PXDN: variants seen among roughly 807,000 people sequenced by gnomAD.
PXDN encodes peroxidasin.
Under a neutral mutation model 140.3 loss-of-function variants are expected in PXDN, and 77 were observed. The ratio of observed to expected loss-of-function variants is 0.55; its 90% CI spans 0.46 to 0.66. The LOEUF is 0.66. PXDN is among the 30% of genes least tolerant of loss of function. PXDN has a pLI of 0.00. For synonymous variants in PXDN, 911 were observed against 857.4 expected (o/e 1.06, Z -1.09); for missense variants, 1,838 against 2,039.5 (o/e 0.90, Z 1.90).
In PXDN at chr2:1,700,677, C is replaced by T. The variant is rs539771941; in HGVS notation, c.201-7543G>A. On this transcript the variant is annotated intron_variant, in intron 1 of 22. Coordinates refer to ENST00000252804, the MANE Select transcript of PXDN (RefSeq NM_012293.3). ...TCACTTGAGGTCAGGAGTTCGAGACCAGCTTGGCCAACATGGTGAAACCCT... is the reference window on the plus strand; with the variant it reads ...TCACTTGAGGTCAGGAGTTCGAGACTAGCTTGGCCAACATGGTGAAACCCT... Among the ~76,000 whole-genome samples the T allele has an allele frequency of 2.0e-5, 3 of 151,938 alleles. No homozygotes were observed. In the South Asian group the frequency reaches 6.3e-4, roughly 32 times the overall value.
Position 1,687,583 on chromosome 2 carries a change from C to G in PXDN, c.416+49G>C, listed in dbSNP as rs771116532. 2.0e-5 allele frequency: 28 copies of G among 1,393,668 alleles called. No individual in the cohort carries two copies. Among genetic ancestry groups the G allele is most frequent in the Non-Finnish European group, 2.8e-5 (28 of 1,011,858 alleles). The allele number at this position is 1,393,668 out of a possible 1,614,324, so 86.3% of individuals were successfully genotyped here. A position where few individuals can be genotyped will look rare whatever the true frequency, so the allele number is the denominator to read the frequency against. ...TCCACTGGTCCCTACAAGAGGAAAA[C>G]AGCCAGACGGCATCCAAGAACTAAA... On this transcript the variant is annotated intron_variant, in intron 4 of 22. Transcript: ENST00000252804. This position sits in a 1 kb window ranked among gnomAD's most constrained non-coding sequence, Gnocchi z 4.0.
At chr2:1,736,404 A>G (rs1685425433) in intron 1 of PXDN, among the ~76,000 whole-genome samples, 1 of 152,178 alleles carries the variant, frequency 6.6e-6, no homozygotes, top group Admixed American at 6.5e-5. Context: ...GAAAGGGAGG[A>G]GAGATGGAGG....
At chr2:1,705,556 GA>G (rs1684578883) in intron 1 of PXDN, among the ~76,000 whole-genome samples, 1 of 145,256 alleles carries the variant, frequency 6.9e-6, no homozygotes, top group South Asian at 2.3e-4. Flanking sequence ...CTGGGACGCA[GA>G]GTGCAGGATG....
chr2:1,656,932 A>T (rs116017019), intron 14 of PXDN, among the ~76,000 whole-genome samples: 4,260 of 128,474 alleles, frequency 0.033, 184 homozygotes, highest in African/African-American at 0.13. Context: ...CCCTCCTGAC[A>T]GAAACCTGTC....
intron 1 of PXDN, among the ~76,000 whole-genome samples, chr2:1,693,988 T>G (rs555636553): frequency 6.6e-6 from 1 of 152,366 alleles, no homozygotes; most frequent in South Asian, 2.1e-4. Context: ...AGGCGTCGGC[T>G]CTACCCTTGC....
At chr2:1,644,776 A>G in intron 17 of PXDN, 24 bp from the exon 18 acceptor site, 3 of 1,474,108 alleles carry the variant, frequency 2.0e-6, no homozygotes, top group Non-Finnish European at 2.7e-6. Context: ...AGAAAACTGA[A>G]ATCTACCTAA....
rs1684854020 is a variant in PXDN at position 1,714,557 on chromosome 2, G to A, written c.201-21423C>T. ...GCCCAGTGCGTGCATTCCCTGAAAG[G>A]CCAGGTGGGGACATCTTTGCTTGAG... is the stretch of plus-strand genomic sequence containing the variant. On this transcript the variant is annotated intron_variant, in intron 1 of 22. Coordinates refer to ENST00000252804, the MANE Select transcript of PXDN (RefSeq NM_012293.3). The surrounding 1 kb of genome is among the most constrained non-coding windows in gnomAD (Gnocchi z 4.3). Among the ~76,000 whole-genome samples the A allele has an allele frequency of 6.6e-6, 1 of 152,130 alleles. No homozygotes were observed. Among genetic ancestry groups the A allele is most frequent in the East Asian group, 1.9e-4 (1 of 5,162 alleles).
At chr2:1,653,263 C>A in intron 16 of PXDN, 2 of 349,242 alleles carry the variant, frequency 5.7e-6, no homozygotes, top group South Asian at 4.6e-5. Flanking sequence ...CAGGACACAA[C>A]GTCACTCAGG....
At chr2:1,657,267 C>CTCTCTCTCTCTCT (rs1683165730) in intron 14 of PXDN, among the ~76,000 whole-genome samples, 1 of 149,716 alleles carries the variant, frequency 6.7e-6, no homozygotes, top group Non-Finnish European at 1.5e-5. Context: ...CTGGGAACAG[C>CTCTCTCTCTCTCT]CCCCTCCTGA....
rs1682965744 is a variant in PXDN, at chr2:1,649,599, C to A, written c.2181G>T (p.Arg727=). 1.9e-6 allele frequency: 3 copies of A among 1,614,028 alleles called. No homozygotes were observed. The highest frequency in any genetic ancestry group is 2.5e-6 in the Non-Finnish European group (3 of 1,179,896). The part of the protein sequence containing the change: ...IANLSGCTAH[R]RVNNCSDMCF... ...ACATGTCCGAGCAGTTGTTCACGCG[C>A]CGGTGGGCGGTACAGCCCGACAGGT... The change falls in exon 17 of 23, where the codon CGG becomes CGT. Residue 727 remains arginine, a synonymous_variant. Transcript: ENST00000252804. The surrounding 1 kb of genome is among the most constrained non-coding windows in gnomAD (Gnocchi z 7.1).
At chr2:1,692,993 T>C in intron 2 of PXDN, 70 bp downstream of exon 2, 1 of 1,400,364 alleles carries the variant, frequency 7.1e-7, no homozygotes, top group Non-Finnish European at 9.9e-7. Context: ...GATGATGAGT[T>C]CTACCTACAG....
intron 1 of PXDN, among the ~76,000 whole-genome samples, chr2:1,743,500 G>C (rs1373334157): frequency 6.6e-6 from 1 of 150,474 alleles, no homozygotes. Context: ...CCGGGCAGAT[G>C]CGGGGGCACT....
At chr2:1,716,063 T>C (rs577407400) in intron 1 of PXDN, among the ~76,000 whole-genome samples, 1 of 152,056 alleles carries the variant, frequency 6.6e-6, no homozygotes, top group African/African-American at 2.4e-5. Context: ...TGGGGTAGAG[T>C]CCACCTGTGC....
chr2:1,736,063 C>G (rs1458486255), intron 1 of PXDN, among the ~76,000 whole-genome samples: 5 of 152,212 alleles, frequency 3.3e-5, no homozygotes, highest in African/African-American at 1.2e-4. Context: ...AACGTTCCTT[C>G]TGCAGCTTCC....
intron 13 of PXDN, among the ~76,000 whole-genome samples, chr2:1,661,806 C>T (rs1683310972): frequency 6.6e-6 from 1 of 152,180 alleles, no homozygotes; most frequent in South Asian, 2.1e-4. Context: ...TGGAATGCTC[C>T]AAGTTTGTTT....
At position 1,675,007 on chromosome 2, in the gene PXDN, C is replaced by T. The variant is rs117167251; in HGVS notation, c.849-1195G>A. Among the ~76,000 whole-genome samples, 348 of 152,200 alleles carry T rather than the reference C, an allele frequency of 2.3e-3. 5 individuals are homozygous for T. The East Asian group carries it at 0.042, about 18-fold the overall frequency. ...GCGCAGCCAAACCGTCGGGAACACT[C>T]GAAAGACCAACGCCCACCTTCTCCC... On this transcript the variant is annotated intron_variant, in intron 8 of 22. Coordinates refer to ENST00000252804, the MANE Select transcript of PXDN (RefSeq NM_012293.3).
At chr2:1,679,269 T>G (rs1683808595) in intron 7 of PXDN, among the ~76,000 whole-genome samples, 1 of 148,670 alleles carries the variant, frequency 6.7e-6, no homozygotes, top group Admixed American at 6.7e-5. Flanking sequence ...GGTGTGTGTG[T>G]GGATTGTATG....
At chr2:1,727,413 C>A (rs1422990955) in intron 1 of PXDN, among the ~76,000 whole-genome samples, 2 of 152,220 alleles carry the variant, frequency 1.3e-5, no homozygotes, top group African/African-American at 4.8e-5. Flanking sequence ...CTTGGCTGTG[C>A]GCTAGGAGGT....
At chr2:1,702,991 GGGGGACAAC>G (rs1558515920) in intron 1 of PXDN, among the ~76,000 whole-genome samples, 8 of 85,566 alleles carry the variant, frequency 9.3e-5, no homozygotes, top group African/African-American at 3.3e-4. Flanking sequence ...CAGGTGAAGG[GGGGGACAAC>G]TCCAGGTGAA....
Sources: allele counts gnomAD v4.1 joint callset (sites outside exome capture counted in the v4.1 genomes callset), GRCh38; gene constraint gnomAD v4.1.1; non-coding constraint Gnocchi (gnomAD v3.1); transcripts MANE v1.5; gene names NCBI Gene and HGNC (gene_info 2026-07-23, HGNC 2026-07-21).